CSMD1: variants seen among roughly 807,000 people sequenced by gnomAD.
CSMD1 encodes CUB and sushi domain-containing protein 1.
Under a neutral mutation model 417.5 loss-of-function variants are expected in CSMD1, and 213 were observed. The observed-to-expected ratio is 0.51, with a 90% CI of 0.46 to 0.57. The LOEUF (loss-of-function observed/expected upper bound fraction) is 0.57. Ranked by LOEUF, CSMD1 falls within the 20% of genes least tolerant of loss-of-function variation. CSMD1 has a pLI of 0.00. For missense variants in CSMD1, 6,923 were observed against 4,529.7 expected, an observed-to-expected ratio of 1.53 and a Z score of -15.17; for synonymous variants, 2,862 against 1,736.8, an observed-to-expected ratio of 1.65 and a Z score of -16.11.
chr8:4,056,163 C>G (rs1447436869), intron 3 of CSMD1, among the ~76,000 whole-genome samples: 1 of 144,472 alleles, frequency 6.9e-6, no homozygotes, highest in Non-Finnish European at 1.5e-5. Flanking sequence ...CTTACTCCAA[C>G]CTCTGCCTCT....
intron 37 of CSMD1, among the ~76,000 whole-genome samples, chr8:3,173,353 T>G (rs553300598): frequency 1.3e-5 from 2 of 152,282 alleles, no homozygotes; most frequent in South Asian, 4.1e-4. Context: ...GAATTTACAT[T>G]GTTTTAGATA....
At chr8:4,054,973 C>T (rs1303106856) in intron 3 of CSMD1, among the ~76,000 whole-genome samples, 1 of 152,126 alleles carries the variant, frequency 6.6e-6, no homozygotes, top group South Asian at 2.1e-4. Context: ...ACTTACACTG[C>T]TTTTAACAGC....
chr8:4,783,096 C>G (rs1357501755), intron 1 of CSMD1, among the ~76,000 whole-genome samples: 1 of 152,130 alleles, frequency 6.6e-6, no homozygotes, highest in South Asian at 2.1e-4. Flanking sequence ...TCAATTCAGT[C>G]CACAGATATT....
chr8:4,465,801 T>C (rs1409899265), intron 2 of CSMD1, among the ~76,000 whole-genome samples: 1 of 152,204 alleles, frequency 6.6e-6, no homozygotes, highest in Non-Finnish European at 1.5e-5. Context: ...ATGGGTACTT[T>C]ACTGCCAACC....
intron 5 of CSMD1, among the ~76,000 whole-genome samples, chr8:3,856,175 G>C (rs1261822842): frequency 6.6e-6 from 1 of 151,928 alleles, no homozygotes; most frequent in Non-Finnish European, 1.5e-5. Context: ...TAATGGTTTA[G>C]CACCATCCTC....
intron 3 of CSMD1, among the ~76,000 whole-genome samples, chr8:4,180,581 A>C (rs1798307748): frequency 2.0e-5 from 3 of 152,024 alleles, no homozygotes; most frequent in Admixed American, 2.0e-4. Flanking sequence ...GTATAATAAT[A>C]ATTAAAAAAA....
intron 2 of CSMD1, among the ~76,000 whole-genome samples, chr8:4,517,730 T>A (rs1803202216): frequency 6.6e-6 from 1 of 152,212 alleles, no homozygotes; most frequent in Admixed American, 6.5e-5. Flanking sequence ...AACTCGTTTA[T>A]CAAAAAGTTC....
intron 1 of CSMD1, among the ~76,000 whole-genome samples, chr8:4,888,570 C>G (rs1180360833): frequency 6.6e-6 from 1 of 151,252 alleles, no homozygotes; most frequent in Non-Finnish European, 1.5e-5. Flanking sequence ...ACCCCTGTAC[C>G]CTAACTCTAT....
At chr8:3,122,469 A>G (rs1289630097) in intron 41 of CSMD1, among the ~76,000 whole-genome samples, 1 of 152,188 alleles carries the variant, frequency 6.6e-6, no homozygotes, top group African/African-American at 2.4e-5. Context: ...AATTTTGTGA[A>G]AATGGAATTT....
intron 26 of CSMD1, among the ~76,000 whole-genome samples, chr8:3,236,796 T>TA (rs1236175874): frequency 3.3e-5 from 5 of 152,172 alleles, no homozygotes; most frequent in African/African-American, 1.2e-4. Context: ...TTTCTTGCCA[T>TA]AAAAAAGAAA....
At chr8:4,759,688 G>C (rs1385312996) in intron 1 of CSMD1, among the ~76,000 whole-genome samples, 1 of 152,132 alleles carries the variant, frequency 6.6e-6, no homozygotes, top group Non-Finnish European at 1.5e-5. Flanking sequence ...TGCTGCATTA[G>C]CTTGCTGAGA....
chr8:4,762,157 C>T (rs183443458), intron 1 of CSMD1, among the ~76,000 whole-genome samples: 22 of 152,014 alleles, frequency 1.4e-4, no homozygotes, highest in African/African-American at 4.8e-4. Flanking sequence ...GATGTCACCA[C>T]CTAGCAAAAG....
At chr8:4,101,043 C>A (rs1333004340) in intron 3 of CSMD1, among the ~76,000 whole-genome samples, 1 of 152,130 alleles carries the variant, frequency 6.6e-6, no homozygotes, top group Non-Finnish European at 1.5e-5. Context: ...CAGAATGATG[C>A]AAAGGCAGAT....
At chr8:3,297,345 G>A (rs2117316975) in intron 25 of CSMD1, among the ~76,000 whole-genome samples, 1 of 152,284 alleles carries the variant, frequency 6.6e-6, no homozygotes, top group African/African-American at 2.4e-5. Flanking sequence ...ATATGGAAGT[G>A]CAGAAGGCCA....
intron 10 of CSMD1, among the ~76,000 whole-genome samples, chr8:3,512,200 C>T (rs1296980039): frequency 6.6e-6 from 1 of 152,202 alleles, no homozygotes; most frequent in Non-Finnish European, 1.5e-5. Context: ...TGAGTCTGTC[C>T]ACCTAATTTA....
intron 6 of CSMD1, among the ~76,000 whole-genome samples, chr8:3,739,696 T>G (rs140398349): frequency 1.8e-3 from 278 of 152,310 alleles, no homozygotes; most frequent in African/African-American, 6.5e-3. Flanking sequence ...CTGTACCACA[T>G]GGCATAATGG....
At chr8:3,887,930 G>C (rs1054234539) in intron 5 of CSMD1, among the ~76,000 whole-genome samples, 5 of 152,110 alleles carry the variant, frequency 3.3e-5, no homozygotes, top group African/African-American at 1.2e-4. Context: ...ATCAGGAAAA[G>C]AATACTTTCA....
At chr8:3,257,670 A>G (rs1221110652) in intron 26 of CSMD1, among the ~76,000 whole-genome samples, 1 of 152,128 alleles carries the variant, frequency 6.6e-6, no homozygotes, top group East Asian at 1.9e-4. Context: ...GCTACTGAGA[A>G]GGAGAACTGA....
At chr8:4,822,368 T>C (rs138461035) in intron 1 of CSMD1, among the ~76,000 whole-genome samples, 30 of 152,252 alleles carry the variant, frequency 2.0e-4, no homozygotes, top group African/African-American at 7.0e-4. Context: ...AATGTGTTCA[T>C]TGCTTTATTT....
Sources: gnomAD v4.1 joint callset for allele counts (sites outside exome capture counted in the v4.1 genomes callset) on GRCh38, gnomAD v4.1.1 for gene constraint, MANE v1.5 for transcripts, NCBI Gene and HGNC (gene_info 2026-07-23, HGNC 2026-07-21) for gene names.